The following RAB3C variants were observed in gnomAD, a reference collection of about 807,000 sequenced individuals.
The protein encoded by RAB3C is RAB3C, member RAS oncogene family.
RAB3C carries 17 observed loss-of-function variants against 26.4 expected under a neutral mutation model. That is an observed-to-expected ratio of 0.64 (90% CI 0.44 to 0.97). The LOEUF is 0.97. Among genes scored for constraint, RAB3C ranks in the 50% least tolerant of loss-of-function variants. The probability of loss-of-function intolerance (pLI) is 0.00; values close to 1 mark genes in which losing one functional copy is unlikely to be tolerated. For missense variants in RAB3C, 242 were observed against 281.9 expected, an observed-to-expected ratio of 0.86 and a Z score of 1.01; for synonymous variants, 91 against 95.9, an observed-to-expected ratio of 0.95 and a Z score of 0.30.
At position 58,681,401 on chromosome 5, in the gene RAB3C, ACAGGCAATTACGC is replaced by A. The variant is rs1748340532; in HGVS notation, c.253-44597_253-44585del. Reference sequence around the variant, plus strand: ...CTAGAATGTCATTTTGGAAAATTGGACAGGCAATTACGCCAGAGGAAAATTTGTATTGTGATGA... The same window carrying A: ...CTAGAATGTCATTTTGGAAAATTGGACAGAGGAAAATTTGTATTGTGATGA... On this transcript the variant is annotated intron_variant, in intron 2 of 4. Transcript: ENST00000282878. 2.0e-5 allele frequency among the ~76,000 whole-genome samples: 3 copies of A among 152,214 alleles called. No homozygotes were observed. The South Asian group carries it at 6.2e-4, about 32-fold the overall frequency.
chr5:58,704,564 A>G (rs1252558364), intron 2 of RAB3C, among the ~76,000 whole-genome samples: 3 of 152,184 alleles, frequency 2.0e-5, no homozygotes, highest in East Asian at 1.9e-4. Flanking sequence ...TAGTAAAGAT[A>G]CACAAAAGAA....
chr5:58,639,849 T>C lies in RAB3C; in HGVS notation c.252+21979T>C, dbSNP rs140718763. The stretch of plus-strand genomic sequence containing the variant: ...TTCTCTAAAACTTATCTGTTAACTG[T>C]GCTTGGATGATATAAAATCATGTTT... On this transcript the variant is annotated intron_variant, in intron 2 of 4. Transcript: ENST00000282878. 1.1e-3 allele frequency among the ~76,000 whole-genome samples: 165 copies of C among 152,294 alleles called. 1 individual carries two copies. The highest frequency in any genetic ancestry group is 3.7e-3 in the African/African-American group (152 of 41,578).
intron 2 of RAB3C, among the ~76,000 whole-genome samples, chr5:58,702,491 C>T (rs10044981): frequency 0.05 from 7,609 of 152,210 alleles, 642 homozygotes; most frequent in African/African-American, 0.17. Flanking sequence ...TTCCTCCAGG[C>T]ACCTGCACAC....
At chr5:58,596,961 A>G (rs1389012231) in intron 1 of RAB3C, among the ~76,000 whole-genome samples, 3 of 93,172 alleles carry the variant, frequency 3.2e-5, no homozygotes, top group Admixed American at 1.9e-4. Context: ...GATACATAAT[A>G]TATTACATAT....
intron 3 of RAB3C, among the ~76,000 whole-genome samples, chr5:58,727,332 C>T (rs16888488): frequency 0.041 from 6,201 of 151,720 alleles, 409 homozygotes; most frequent in African/African-American, 0.14. Context: ...AATAGCAATT[C>T]AAAAGAGAAA....
chr5:58,702,506 G>A (rs774154121), intron 2 of RAB3C, among the ~76,000 whole-genome samples: 13 of 152,126 alleles, frequency 8.5e-5, no homozygotes, highest in Admixed American at 5.2e-4. Context: ...GCACACCTAC[G>A]TCTTGCCAGC....
intron 3 of RAB3C, among the ~76,000 whole-genome samples, chr5:58,817,612 T>C (rs1743245472): frequency 6.6e-6 from 1 of 152,162 alleles, no homozygotes; most frequent in African/African-American, 2.4e-5. Context: ...AGAAATAGAT[T>C]ATTTAGAAAC....
At chr5:58,766,935 G>A (rs1741921609) in intron 3 of RAB3C, among the ~76,000 whole-genome samples, 2 of 152,174 alleles carry the variant, frequency 1.3e-5, no homozygotes, top group Admixed American at 1.3e-4. Context: ...GAGGAAAGAA[G>A]TGAGAAATAG....
chr5:58,594,526 C>T (rs959256891), intron 1 of RAB3C, among the ~76,000 whole-genome samples: 12 of 152,076 alleles, frequency 7.9e-5, no homozygotes, highest in African/African-American at 2.7e-4. Flanking sequence ...GTAAGTCATC[C>T]TAATTGGTAC....
At chr5:58,818,104 T>C (rs2112048877) in intron 3 of RAB3C, among the ~76,000 whole-genome samples, 1 of 152,302 alleles carries the variant, frequency 6.6e-6, no homozygotes, top group Non-Finnish European at 1.5e-5. Flanking sequence ...GACAATTGTT[T>C]TTGTGGGTCA....
chr5:58,702,083 A>C (rs189609435), intron 2 of RAB3C, among the ~76,000 whole-genome samples: 11 of 152,158 alleles, frequency 7.2e-5, no homozygotes, highest in African/African-American at 2.7e-4. Context: ...AACAGCTTCA[A>C]ATTTTTCTGA....
intron 2 of RAB3C, among the ~76,000 whole-genome samples, chr5:58,708,267 G>A (rs1238336128): frequency 2.0e-5 from 3 of 152,180 alleles, no homozygotes; most frequent in African/African-American, 7.2e-5. Context: ...TAGGATTACA[G>A]GCATAAGCCA....
At chr5:58,590,251 G>A (rs1167622530) in intron 1 of RAB3C, among the ~76,000 whole-genome samples, 1 of 152,092 alleles carries the variant, frequency 6.6e-6, no homozygotes, top group African/African-American at 2.4e-5. Context: ...TTAACACAAA[G>A]TTGTTAAAAA....
chr5:58,678,941 G>T (rs158993), intron 2 of RAB3C, among the ~76,000 whole-genome samples: 80,896 of 151,464 alleles, frequency 0.53, 21,727 homozygotes, highest in East Asian at 0.56. Context: ...AAGACTTTTT[G>T]TTTTTCCAGC....
chr5:58,766,349 C>T (rs552018661), intron 3 of RAB3C, among the ~76,000 whole-genome samples: 1 of 152,126 alleles, frequency 6.6e-6, no homozygotes, highest in East Asian at 1.9e-4. Context: ...AACTCCTGAC[C>T]TCGTGATCCA....
intron 2 of RAB3C, chr5:58,647,795 C>A (rs1458655432): frequency 6.6e-6 from 1 of 152,146 alleles, no homozygotes; most frequent in Admixed American, 6.5e-5. Context: ...TGCACACAAT[C>A]TCACATGAAC....
chr5:58,678,872 A>T (rs1022323180), intron 2 of RAB3C, among the ~76,000 whole-genome samples: 1 of 152,192 alleles, frequency 6.6e-6, no homozygotes, highest in Non-Finnish European at 1.5e-5. Context: ...TCTTTGCTGG[A>T]TGTAGGGTAT....
At chr5:58,792,342 A>G (rs1561131510) in intron 3 of RAB3C, among the ~76,000 whole-genome samples, 1 of 152,246 alleles carries the variant, frequency 6.6e-6, no homozygotes, top group Non-Finnish European at 1.5e-5. Context: ...CCCTATGGCT[A>G]TGGGGGCAAA....
At chr5:58,760,269 A>G (rs192412051) in intron 3 of RAB3C, among the ~76,000 whole-genome samples, 6 of 152,244 alleles carry the variant, frequency 3.9e-5, no homozygotes, top group Admixed American at 1.3e-4. Flanking sequence ...CCATGACCAT[A>G]TAGAAAAGTC....
Sources: allele counts gnomAD v4.1 joint callset (sites outside exome capture counted in the v4.1 genomes callset), GRCh38; gene constraint gnomAD v4.1.1; transcripts MANE v1.5; gene names NCBI Gene and HGNC (gene_info 2026-07-23, HGNC 2026-07-21).